CHRM2: variants seen among roughly 807,000 people sequenced by gnomAD.
CHRM2 encodes the protein muscarinic acetylcholine receptor M2.
CHRM2 carries 8 observed loss-of-function variants against 25.0 expected under a neutral mutation model. That is an observed-to-expected ratio of 0.32 (90% confidence interval 0.19 to 0.58). CHRM2 has a LOEUF of 0.58. Among genes scored for constraint, CHRM2 ranks in the 20% least tolerant of loss-of-function variants. The pLI is 0.88. For synonymous variants in CHRM2, 202 were observed against 205.7 expected (o/e 0.98, Z 0.15); for missense variants, 440 against 567.1 (o/e 0.78, Z 2.28).
chr7:136,906,028 G>A (rs1797518983), intron 2 of CHRM2, among the ~76,000 whole-genome samples: 1 of 149,792 alleles, frequency 6.7e-6, no homozygotes, highest in Non-Finnish European at 1.5e-5. Context: ...GAGTCTTAGT[G>A]TCAAATTACT....
At chr7:136,918,498 C>T (rs1473715587) in intron 2 of CHRM2, among the ~76,000 whole-genome samples, 1 of 152,070 alleles carries the variant, frequency 6.6e-6, no homozygotes, top group Non-Finnish European at 1.5e-5. Context: ...CTCACTGTTG[C>T]TACCCTCAGA....
At chr7:136,972,194 T>A (rs542780886) in intron 2 of CHRM2, among the ~76,000 whole-genome samples, 1 of 152,232 alleles carries the variant, frequency 6.6e-6, no homozygotes, top group Non-Finnish European at 1.5e-5. Context: ...AACATAAATC[T>A]ACCAACAGAC....
intron 2 of CHRM2, among the ~76,000 whole-genome samples, chr7:136,974,389 A>C (rs1426540554): frequency 5.9e-5 from 9 of 152,202 alleles, no homozygotes; most frequent in African/African-American, 2.2e-4. Context: ...GCACAGAAGA[A>C]ATCTGTTACA....
At chr7:136,980,774 G>C (rs896004331) in intron 2 of CHRM2, among the ~76,000 whole-genome samples, 3 of 152,174 alleles carry the variant, frequency 2.0e-5, no homozygotes, top group Non-Finnish European at 4.4e-5. Context: ...AACCAGCCTT[G>C]CATCCCAGGG....
chr7:136,892,438 C>T (rs1796726692), intron 2 of CHRM2, among the ~76,000 whole-genome samples: 1 of 151,450 alleles, frequency 6.6e-6, no homozygotes, highest in Admixed American at 6.6e-5. Context: ...TAGTGCAAAC[C>T]AGTATACAAA....
Position 136,899,896 on chromosome 7 carries a change from T to G in CHRM2, c.-125+30478T>G, listed in dbSNP as rs560331414. The G allele has an allele frequency of 3.3e-5, 5 of 152,190 alleles. No individual in the cohort carries two copies. The South Asian group carries it at 1.0e-3, about 32-fold the overall frequency. The allele number at this position is 152,190 out of a possible 1,614,324, so 9.4% of individuals were successfully genotyped here. A position where few individuals can be genotyped will look rare whatever the true frequency, so the allele number is the denominator to read the frequency against. On this transcript the variant is annotated intron_variant, in intron 2 of 3. Coordinates refer to ENST00000680005, the MANE Select transcript of CHRM2 (RefSeq NM_001006630.2). ...ATAGATATGAATACACTTCATAGTT[T>G]AAAAAGCTTGTTTCATGCAAATACC...
chr7:136,885,691 T>C (rs1165872761), intron 2 of CHRM2, among the ~76,000 whole-genome samples: 1 of 152,204 alleles, frequency 6.6e-6, no homozygotes. Flanking sequence ...CAGTCTGTCC[T>C]GAGAGATTAG....
intron 3 of CHRM2, among the ~76,000 whole-genome samples, chr7:137,002,001 T>C (rs1804068150): frequency 6.6e-6 from 1 of 152,006 alleles, no homozygotes; most frequent in African/African-American, 2.4e-5. Context: ...TGAATACATA[T>C]GTAGAAGAGA....
intron 2 of CHRM2, among the ~76,000 whole-genome samples, chr7:136,939,946 C>T (rs908103468): frequency 2.2e-4 from 33 of 152,212 alleles, no homozygotes; most frequent in Middle Eastern, 3.4e-3. Context: ...TTACTAGGTA[C>T]GATTTTATTC....
At chr7:136,932,741 A>T (rs1735852123) in intron 2 of CHRM2, among the ~76,000 whole-genome samples, 1 of 152,160 alleles carries the variant, frequency 6.6e-6, no homozygotes, top group East Asian at 1.9e-4. Flanking sequence ...ATTTAAATAG[A>T]TTTTTAGGCT....
rs74530032 is a variant in CHRM2 at position 136,960,217 on chromosome 7, C to A, written c.-124-31970C>A. ...GGAGATAGGAAATTCTGGAATGAAGCTGCATGCTGCCCTAGAAAACCATCC... is the reference window on the plus strand; with the variant it reads ...GGAGATAGGAAATTCTGGAATGAAGATGCATGCTGCCCTAGAAAACCATCC... On this transcript the variant is annotated intron_variant, in intron 2 of 3. Coordinates refer to ENST00000680005, the MANE Select transcript of CHRM2 (RefSeq NM_001006630.2). 6.8e-4 allele frequency among the ~76,000 whole-genome samples: 103 copies of A among 152,316 alleles called. 1 individual carries two copies. In the East Asian group the frequency reaches 0.016, roughly 23 times the overall value.
rs557416120 is a variant in CHRM2, at chr7:136,875,566, G to A, written c.-125+6148G>A. ...TCACCAGAGCCATATGCTTCTAACC[G>A]GTCTCCCACTCTCCAGTCTTTCTCT... On this transcript the variant is annotated intron_variant, in intron 2 of 3. Coordinates refer to ENST00000680005, the MANE Select transcript of CHRM2 (RefSeq NM_001006630.2). Among the ~76,000 whole-genome samples, 9 of 152,042 alleles carry A rather than the reference G, an allele frequency of 5.9e-5. No homozygotes were observed. In the South Asian group the frequency reaches 1.5e-3, roughly 25 times the overall value.
Position 137,015,361 on chromosome 7 carries a change from G to A in CHRM2, c.496G>A (p.Val166Ile), listed in dbSNP as rs1280391263. The A allele has an allele frequency of 1.2e-6, 2 of 1,613,498 alleles. No individual in the cohort carries two copies. Among genetic ancestry groups the A allele is most frequent in the Non-Finnish European group, 1.7e-6 (2 of 1,179,640 alleles). Residue 166 changes from valine (V) to isoleucine (I), a missense_variant, in exon 4 of 4, where the codon GTA becomes ATA. Physicochemically the swap from Val to Ile is conservative, Grantham distance 29. Transcript: ENST00000680005. This position sits in a 1 kb window ranked among gnomAD's most constrained non-coding sequence, Gnocchi z 5.1. ...AGCCATTCTCTTCTGGCAGTTCATT[G>A]TAGGGGTGAGAACTGTGGAGGATGG... The part of the protein sequence containing the change: ...APAILFWQFI[V>I]GVRTVEDGEC...
intron 2 of CHRM2, among the ~76,000 whole-genome samples, chr7:136,909,530 C>T (rs1288988883): frequency 6.6e-6 from 1 of 151,876 alleles, no homozygotes; most frequent in African/African-American, 2.4e-5. Context: ...CAGGTTGTCA[C>T]AGCATATGAA....
intron 2 of CHRM2, among the ~76,000 whole-genome samples, chr7:136,946,343 T>C (rs1460559389): frequency 1.3e-5 from 2 of 152,354 alleles, no homozygotes; most frequent in East Asian, 3.9e-4. Context: ...ATTTATTTAA[T>C]GCCTGCCAAT....
intron 3 of CHRM2, among the ~76,000 whole-genome samples, chr7:137,002,678 G>A (rs990315282): frequency 6.6e-6 from 1 of 152,094 alleles, no homozygotes; most frequent in African/African-American, 2.4e-5. Context: ...GAGATTTCTG[G>A]AATCCTTAAA....
intron 2 of CHRM2, among the ~76,000 whole-genome samples, chr7:136,971,189 A>G (rs1237229952): frequency 1.3e-5 from 2 of 152,176 alleles, no homozygotes; most frequent in African/African-American, 2.4e-5. Context: ...CATTTTCTAG[A>G]TGATGGAATG....
At chr7:136,892,335 A>G (rs747135772) in intron 2 of CHRM2, among the ~76,000 whole-genome samples, 1 of 152,234 alleles carries the variant, frequency 6.6e-6, no homozygotes, top group Non-Finnish European at 1.5e-5. Context: ...ACACAAAGGA[A>G]AGCCATTCTA....
chr7:136,951,532 T>C (rs1187091743), intron 2 of CHRM2, among the ~76,000 whole-genome samples: 1 of 152,174 alleles, frequency 6.6e-6, no homozygotes. Context: ...TTGGCAGATC[T>C]GCATTCTTCC....
Sources: gnomAD v4.1 joint callset for allele counts (sites outside exome capture counted in the v4.1 genomes callset) on GRCh38, gnomAD v4.1.1 for gene constraint, Gnocchi (gnomAD v3.1) non-coding constraint, MANE v1.5 for transcripts, NCBI Gene and HGNC (gene_info 2026-07-23, HGNC 2026-07-21) for gene names.